Variants in PRDM16 observed in about 807,000 individuals in gnomAD.
The protein encoded by PRDM16 is PR/SET domain 16.
A neutral mutation model predicts 110.6 loss-of-function variants in PRDM16; 23 were observed. That is an observed-to-expected ratio of 0.21 (90% CI 0.15 to 0.29). The LOEUF (loss-of-function observed/expected upper bound fraction) is 0.29. PRDM16 is among the 10% of genes least tolerant of loss of function. The probability of loss-of-function intolerance (pLI) is 1.00; values close to 1 mark genes in which losing one functional copy is unlikely to be tolerated. For synonymous variants in PRDM16, 799 were observed against 781.8 expected, an observed-to-expected ratio of 1.02 and a Z score of -0.37; for missense variants, 1,615 against 1,794.3, an observed-to-expected ratio of 0.90 and a Z score of 1.81.
At chr1:3,247,753 G>A (rs768109930) in intron 3 of PRDM16, among the ~76,000 whole-genome samples, 1 of 152,266 alleles carries the variant, frequency 6.6e-6, no homozygotes, top group African/African-American at 2.4e-5. Flanking sequence ...CCGTCCCTGC[G>A]CCCGTCCTGG....
chr1:3,396,793 A>G (rs1340763064), intron 5 of PRDM16, among the ~76,000 whole-genome samples, 200 bp downstream of exon 5: 1 of 152,200 alleles, frequency 6.6e-6, no homozygotes, highest in Non-Finnish European at 1.5e-5. Context: ...CAAAGGCTCA[A>G]CCTAATGGCT....
chr1:3,199,905 G>T (rs1638576127), intron 2 of PRDM16, among the ~76,000 whole-genome samples: 1 of 152,236 alleles, frequency 6.6e-6, no homozygotes, highest in Admixed American at 6.5e-5. Flanking sequence ...CTCCAGGACA[G>T]CTGTGCAGTG....
chr1:3,104,678 C>G (rs552843697), intron 1 of PRDM16, among the ~76,000 whole-genome samples: 15 of 152,310 alleles, frequency 9.8e-5, no homozygotes, highest in Admixed American at 9.1e-4. Context: ...CTTTGTCACC[C>G]TGGCAGGCCC....
rs541447249 is a variant in PRDM16, at chr1:3,148,658, A to T, written c.38-37467A>T. Among the ~76,000 whole-genome samples, 10 of 152,140 alleles carry T rather than the reference A, an allele frequency of 6.6e-5. No individual in the cohort carries two copies. The highest frequency in any genetic ancestry group is 1.2e-4 in the Non-Finnish European group (8 of 68,028). ...GGTGGGCGGTGACTTGTCCTGGCCG[A>T]GCCAGCCCAGTCCTTCTGGAAGTCC... On this transcript the variant is annotated intron_variant, in intron 1 of 16. Transcript: ENST00000270722. This position sits in a 1 kb window ranked among gnomAD's most constrained non-coding sequence, Gnocchi z 5.0.
At chr1:3,232,743 C>T (rs539247841) in intron 2 of PRDM16, among the ~76,000 whole-genome samples, 18 of 152,260 alleles carry the variant, frequency 1.2e-4, no homozygotes, top group Admixed American at 3.9e-4. Context: ...ATATTCTGCT[C>T]GGATATGGAT....
At chr1:3,231,424 G>T (rs74048390) in intron 2 of PRDM16, among the ~76,000 whole-genome samples, 3 of 148,228 alleles carry the variant, frequency 2.0e-5, no homozygotes, top group Admixed American at 7.0e-5. Context: ...TCCGTCGTCA[G>T]GGACAGCGGT....
chr1:3,225,573 T>TGTGTGCGCGC (rs1336272072), intron 2 of PRDM16, among the ~76,000 whole-genome samples: 21 of 129,796 alleles, frequency 1.6e-4, no homozygotes, highest in African/African-American at 5.1e-4. Flanking sequence ...TGTGTGTGTG[T>TGTGTGCGCGC]GCGCGCGCGC....
intron 2 of PRDM16, among the ~76,000 whole-genome samples, chr1:3,237,488 G>T (rs1040361678): frequency 6.6e-6 from 1 of 152,206 alleles, no homozygotes; most frequent in Non-Finnish European, 1.5e-5. Context: ...CTGCCCCAGA[G>T]TAGTGAATTC....
At chr1:3,230,504 T>G (rs1441501035) in intron 2 of PRDM16, among the ~76,000 whole-genome samples, 1 of 152,196 alleles carries the variant, frequency 6.6e-6, no homozygotes, top group Non-Finnish European at 1.5e-5. Flanking sequence ...AAATTGACAT[T>G]CTGAGGGTTT....
intron 3 of PRDM16, among the ~76,000 whole-genome samples, chr1:3,285,955 G>A (rs937354732): frequency 7.9e-5 from 12 of 152,184 alleles, no homozygotes; most frequent in Non-Finnish European, 1.6e-4. Context: ...CGTGACACAA[G>A]GAAAAATAAA....
At chr1:3,182,661 A>G (rs182907086) in intron 1 of PRDM16, among the ~76,000 whole-genome samples, 40 of 152,314 alleles carry the variant, frequency 2.6e-4, no homozygotes, top group Non-Finnish European at 4.6e-4. Flanking sequence ...GTGGGCTCCC[A>G]GCCAGCTCGG....
chr1:3,290,245 G>A lies in PRDM16; in HGVS notation c.438+46108G>A, dbSNP rs75083454. On this transcript the variant is annotated intron_variant, in intron 3 of 16. Coordinates refer to ENST00000270722, the MANE Select transcript of PRDM16 (RefSeq NM_022114.4). This position sits in a 1 kb window ranked among gnomAD's most constrained non-coding sequence, Gnocchi z 4.8. ...TTTCCAGGCATTTGGAAGTAGACAT[G>A]GGAAGGAAGGAGCGACGGGGTGGGA... 7.0e-3 allele frequency among the ~76,000 whole-genome samples: 1,063 copies of A among 152,306 alleles called. 21 individuals carry two copies. Among genetic ancestry groups the A allele is most frequent in the African/African-American group, 0.025 (1,020 of 41,574 alleles).
At chr1:3,316,732 G>T (rs201982122) in intron 3 of PRDM16, among the ~76,000 whole-genome samples, 1 of 140,156 alleles carries the variant, frequency 7.1e-6, no homozygotes, top group Admixed American at 8.2e-5. Context: ...ACAGTGACAC[G>T]GTGTAGGCAG....
At chr1:3,074,465 T>G (rs959643079) in intron 1 of PRDM16, among the ~76,000 whole-genome samples, 1 of 152,088 alleles carries the variant, frequency 6.6e-6, no homozygotes, top group Non-Finnish European at 1.5e-5. Flanking sequence ...TTAAGCATTT[T>G]CTCAAGGCCA....
At chr1:3,367,470 C>G (rs960312763) in intron 3 of PRDM16, among the ~76,000 whole-genome samples, 1 of 152,142 alleles carries the variant, frequency 6.6e-6, no homozygotes, top group Non-Finnish European at 1.5e-5. Flanking sequence ...GGTGGGGACA[C>G]CCCTAGATGC....
At chr1:3,276,583 A>C (rs944403897) in intron 3 of PRDM16, among the ~76,000 whole-genome samples, 2 of 149,292 alleles carry the variant, frequency 1.3e-5, no homozygotes, top group Non-Finnish European at 2.9e-5. Context: ...GTCCCAGCCC[A>C]TGGCCTAGAG....
At chr1:3,313,426 T>C (rs2282193) in intron 3 of PRDM16, among the ~76,000 whole-genome samples, 31,674 of 151,856 alleles carry the variant, frequency 0.21, 3,553 homozygotes, top group East Asian at 0.32. Context: ...CTTGGCAGGG[T>C]GGGAAAAGTA....
intron 1 of PRDM16, among the ~76,000 whole-genome samples, chr1:3,147,001 T>TGGGGGGGGTGTGCGCACGTGTGTGCTC (rs1643681314): frequency 1.5e-5 from 1 of 66,690 alleles, no homozygotes; most frequent in African/African-American, 6.2e-5. Flanking sequence ...TGTGTGTGCT[T>TGGGGGGGGTGTGCGCACGTGTGTGCTC]GGTGTGGGGG....
At position 3,358,757 on chromosome 1, in the gene PRDM16, T is replaced by C. The variant is rs1196274450; in HGVS notation, c.439-26395T>C. On this transcript the variant is annotated intron_variant, in intron 3 of 16. Transcript: ENST00000270722. This position sits in a 1 kb window ranked among gnomAD's most constrained non-coding sequence, Gnocchi z 4.0. The stretch of plus-strand genomic sequence containing the variant: ...GTAACCTGCTCCAAACCCAGGACAC[T>C]GTGTGTGAGTCCCACCTCCTTCCAG... 6.6e-6 allele frequency among the ~76,000 whole-genome samples: 1 copy of C among 152,162 alleles called. No individual in the cohort carries two copies. Among genetic ancestry groups the C allele is most frequent in the East Asian group, 1.9e-4 (1 of 5,190 alleles).
Sources: gnomAD v4.1 joint callset for allele counts (sites outside exome capture counted in the v4.1 genomes callset) on GRCh38, gnomAD v4.1.1 for gene constraint, Gnocchi (gnomAD v3.1) non-coding constraint, MANE v1.5 for transcripts, NCBI Gene and HGNC (gene_info 2026-07-23, HGNC 2026-07-21) for gene names.